ITGB4: variants seen among roughly 807,000 people sequenced by gnomAD.
ITGB4 encodes the protein integrin beta-4.
In ITGB4, 159 loss-of-function variants were observed where a neutral mutation model predicts 207.6. That is an observed-to-expected ratio of 0.77 (90% CI 0.67 to 0.87). The LOEUF is 0.87. Ranked by LOEUF, ITGB4 falls within the 40% of genes least tolerant of loss-of-function variation. The pLI is 0.00. For missense variants in ITGB4, 2,278 were observed against 2,546.8 expected (o/e 0.89, Z 2.27); for synonymous variants, 1,020 against 1,062.7 (o/e 0.96, Z 0.78).
Position 75,752,488 on chromosome 17 carries a change from G to T in ITGB4, c.4019G>T (p.Gly1340Val). 1 of 1,613,680 alleles carries T rather than the reference G, an allele frequency of 6.2e-7. No individual in the cohort carries two copies. Among genetic ancestry groups the T allele is most frequent in the Non-Finnish European group, 8.5e-7 (1 of 1,180,028 alleles). The change falls in exon 32 of 40, where the codon GGG becomes GTG. Residue 1340 changes from glycine to valine, a missense_variant. Physicochemically the swap from Gly to Val is moderately radical, Grantham distance 109. Coordinates refer to ENST00000200181, the MANE Select transcript of ITGB4 (RefSeq NM_000213.5). ...PDIPIVDAQSGEDYDSFLMYS... is the reference protein window; with the variant it reads ...PDIPIVDAQSVEDYDSFLMYS... Reference sequence around the variant, plus strand: ...ATCCCTATCGTGGACGCCCAGAGCGGGGAGGACTACGACAGCTTCCTTATG... The same window carrying T: ...ATCCCTATCGTGGACGCCCAGAGCGTGGAGGACTACGACAGCTTCCTTATG...
chr17:75,732,223 G>C lies in ITGB4; in HGVS notation c.1438G>C (p.Val480Leu), dbSNP rs1387134474. Reference protein sequence around the residue: ...FNGDFVCGQCVCSEGWSGQTC... With the variant: ...FNGDFVCGQCLCSEGWSGQTC... ...CGGAGACTTCGTGTGCGGACAGTGT[G>C]TGTGCAGCGAGGGCTGGTGAGTGGG... Residue 480 changes from valine to leucine, a missense_variant, in exon 12 of 40, where the codon GTG (valine) becomes CTG (leucine). Transcript: ENST00000200181. This position sits in a 1 kb window ranked among gnomAD's most constrained non-coding sequence, Gnocchi z 5.3. 6.2e-7 allele frequency: 1 copy of C among 1,613,960 alleles called. No homozygotes were observed. The highest frequency in any genetic ancestry group is 8.5e-7 in the Non-Finnish European group (1 of 1,180,050).
In ITGB4 at chr17:75,755,810, G is replaced by T; in HGVS notation, c.4668G>T (p.Pro1556=). Reference sequence around the variant, plus strand: ...GGCAGGAGCCGCGGTGCGAGCGGCCGCTGCAGGGCTACAGTGTGGAGTACC... The same window carrying T: ...GGCAGGAGCCGCGGTGCGAGCGGCCTCTGCAGGGCTACAGTGTGGAGTACC... ...VSWQEPRCER[P]LQGYSVEYQL... is the part of the protein sequence containing the mutation. Residue 1556 remains proline (P), a synonymous_variant, in exon 35 of 40, where the codon CCG becomes CCT. Transcript: ENST00000200181. 6.2e-7 allele frequency: 1 copy of T among 1,608,998 alleles called. No homozygotes were observed.
rs2060616325 is a variant in ITGB4 at position 75,721,487 on chromosome 17, A to T, written c.-136A>T. On this transcript the variant is annotated 5_prime_UTR_variant, in exon 1 of 40. Coordinates refer to ENST00000200181, the MANE Select transcript of ITGB4 (RefSeq NM_000213.5). The stretch of plus-strand genomic sequence containing the variant: ...CCAACCCCCGCGCCCGCCCTCGGAC[A>T]GTCCCTGCTCGCCCGCGCGCTGCAG... The T allele has an allele frequency of 7.9e-6, 1 of 126,410 alleles. No homozygotes were observed. The highest frequency in any genetic ancestry group is 3.0e-5 in the African/African-American group (1 of 33,832). 7.8% of individuals were successfully genotyped at this position (126,410 alleles called of 1,614,324 possible). A position where few individuals can be genotyped will look rare whatever the true frequency, so the allele number is the denominator to read the frequency against.
At position 75,728,411 on chromosome 17, in the gene ITGB4, T is replaced by G; in HGVS notation, c.504T>G (p.Thr168=). 1 of 1,614,120 alleles carries G rather than the reference T, an allele frequency of 6.2e-7. No homozygotes were observed. Among genetic ancestry groups the G allele is most frequent in the East Asian group, 2.2e-5 (1 of 44,882 alleles). ...TGAGCCAGCTCACCAGCGACTACACTATTGGATTTGGCAAGTTTGTGGACA... is the reference window on the plus strand; with the variant it reads ...TGAGCCAGCTCACCAGCGACTACACGATTGGATTTGGCAAGTTTGTGGACA... The part of the protein sequence containing the change: ...RVLSQLTSDY[T]IGFGKFVDKV... Residue 168 remains threonine (T), a synonymous_variant, in exon 6 of 40, where the codon ACT becomes ACG. Transcript: ENST00000200181.
In ITGB4 at chr17:75,757,020, C is replaced by T; in HGVS notation, c.5131C>T (p.Pro1711Ser). 1 of 1,612,508 alleles carries T rather than the reference C, an allele frequency of 6.2e-7. No homozygotes were observed. The highest frequency in any genetic ancestry group is 8.5e-7 in the Non-Finnish European group (1 of 1,179,834). ...LTVPGLSENV[P>S]YKFKVQARTT... ...CGTGCCGGGCCTCAGCGAGAACGTG[C>T]CCTACAAGTTCAAGGTGCAGGCCAG... Residue 1711 changes from proline to serine, a missense_variant, in exon 38 of 40, where the codon CCC becomes TCC. Transcript: ENST00000200181.
chr17:75,729,347 C>T lies in ITGB4; in HGVS notation c.649C>T (p.Arg217Trp), dbSNP rs769838318. The change falls in exon 7 of 40, where the codon CGG becomes TGG. Residue 217 changes from arginine (R) to tryptophan (W), a missense_variant. By Grantham distance (101) the Arg-to-Trp change is moderately radical. Transcript: ENST00000200181. The surrounding 1 kb of genome is among the most constrained non-coding windows in gnomAD (Gnocchi z 4.4). The stretch of plus-strand genomic sequence containing the variant: ...CCTGACAGAAGATGTGGATGAGTTC[C>T]GGAATAAACTGCAGGGAGAGCGGAT... ...ISLTEDVDEF[R>W]NKLQGERISG... 16 of 1,613,972 alleles carry T rather than the reference C, an allele frequency of 9.9e-6. No homozygotes were observed. The highest frequency in any genetic ancestry group is 4.5e-5 in the East Asian group (2 of 44,902).
Position 75,757,472 on chromosome 17 carries a change from G to A in ITGB4, c.5386G>A (p.Val1796Met), listed in dbSNP as rs1204593061. 4 of 1,612,824 alleles carry A rather than the reference G, an allele frequency of 2.5e-6. No homozygotes were observed. The highest frequency in any genetic ancestry group is 2.5e-6 in the Non-Finnish European group (3 of 1,179,990). ...LEAGGSLTRHVTQEFVSRTLT... is the reference protein window; with the variant it reads ...LEAGGSLTRHMTQEFVSRTLT... ...GGCAGGCGGCTCCCTCACCCGGCAT[G>A]TGACCCAGGAGTTTGTGAGCCGGAC... Residue 1796 changes from valine (V) to methionine (M), a missense_variant, in exon 40 of 40, where the codon GTG becomes ATG. Physicochemically the swap from Val to Met is conservative, Grantham distance 21 (BLOSUM62 1). Coordinates refer to ENST00000200181, the MANE Select transcript of ITGB4 (RefSeq NM_000213.5).
At chr17:75,741,506 C>A (rs548485303) in intron 23 of ITGB4, among the ~76,000 whole-genome samples, 1 of 151,970 alleles carries the variant, frequency 6.6e-6, no homozygotes, top group Non-Finnish European at 1.5e-5. Flanking sequence ...CAGCACATGA[C>A]CATCAGTAAG....
Position 75,756,445 on chromosome 17 carries a change from C to T in ITGB4, c.4725C>T (p.Leu1575=), listed in dbSNP as rs148827335. The change falls in exon 36 of 40, where the codon CTC becomes CTT. Residue 1575 remains leucine, a synonymous_variant. Transcript: ENST00000200181. The part of the protein sequence containing the change: ...QLLNGGELHR[L]NIPNPAQTSV... ...TCCCCCCAGGTGAGCTGCATCGGCT[C>T]AACATCCCCAACCCTGCCCAGACCT... 1 of 1,613,336 alleles carries T rather than the reference C, an allele frequency of 6.2e-7. No homozygotes were observed. The highest frequency in any genetic ancestry group is 8.5e-7 in the Non-Finnish European group (1 of 1,179,990).
rs886053415 is a variant in ITGB4 at position 75,754,573 on chromosome 17, C to T, written c.4319-3C>T. Reference sequence around the variant, plus strand: ...ACCAAGGGACCCTGCTCTCCCCCTGCAGAGCACCTGGTGAATGGCCGGATG... The same window carrying T: ...ACCAAGGGACCCTGCTCTCCCCCTGTAGAGCACCTGGTGAATGGCCGGATG... On this transcript the variant is annotated splice_region_variant and splice_polypyrimidine_tract_variant and intron_variant, in intron 33 of 39. Transcript: ENST00000200181. 3 of 1,613,586 alleles carry T rather than the reference C, an allele frequency of 1.9e-6. No homozygotes were observed. Among genetic ancestry groups the T allele is most frequent in the East Asian group, 2.2e-5 (1 of 44,860 alleles).
Position 75,732,232 on chromosome 17 carries a change from G to A in ITGB4, c.1447G>A (p.Glu483Lys), listed in dbSNP as rs966332000. The A allele has an allele frequency of 3.0e-5, 48 of 1,613,848 alleles. No individual in the cohort carries two copies. Among genetic ancestry groups the A allele is most frequent in the Non-Finnish European group, 3.7e-5 (44 of 1,180,016 alleles). Residue 483 changes from glutamate to lysine, a missense_variant, in exon 12 of 40, where the codon GAG becomes AAG. Glu to Lys is a moderately conservative substitution (Grantham distance 56). Transcript: ENST00000200181. This position sits in a 1 kb window ranked among gnomAD's most constrained non-coding sequence, Gnocchi z 5.3. ...DFVCGQCVCS[E>K]GWSGQTCNCS... ...CGTGTGCGGACAGTGTGTGTGCAGC[G>A]AGGGCTGGTGAGTGGGGAAGGGAGT...
At chr17:75,748,635 A>G (rs1599292455) in intron 26 of ITGB4, among the ~76,000 whole-genome samples, 1 of 151,694 alleles carries the variant, frequency 6.6e-6, no homozygotes, top group Admixed American at 6.6e-5. Context: ...ATGCCACTGC[A>G]CTCCAGCCTA....
chr17:75,725,832 C>T (rs1255613570), intron 2 of ITGB4, among the ~76,000 whole-genome samples: 1 of 152,240 alleles, frequency 6.6e-6, no homozygotes, highest in Non-Finnish European at 1.5e-5. Context: ...ACACCATTCC[C>T]TTCACCCTAG....
Position 75,757,300 on chromosome 17 carries a change from C to T in ITGB4, c.5319C>T (p.Pro1773=). 2 of 1,612,396 alleles carry T rather than the reference C, an allele frequency of 1.2e-6. No homozygotes were observed. The highest frequency in any genetic ancestry group is 1.7e-6 in the Non-Finnish European group (2 of 1,180,000). The change falls in exon 39 of 40, where the codon CCC becomes CCT. Residue 1773 remains proline, a synonymous_variant. Coordinates refer to ENST00000200181, the MANE Select transcript of ITGB4 (RefSeq NM_000213.5). ...CCACCCACACCAGCGCCACCGAGCC[C>T]TTCCTAGTGGGTGAGCACTGAGGGC... ...ITTTHTSATE[P]FLVDGLTLGA...
Position 75,754,698 on chromosome 17 carries a change from G to A in ITGB4, c.4441G>A (p.Val1481Met), listed in dbSNP as rs546010811. ...CCTGAGCCCACACGTGCCCCACCGC[G>A]TGCTAAGCACATCCTCCACCCTCAC... The part of the protein sequence containing the change: ...THLSPHVPHR[V>M]LSTSSTLTRD... The change falls in exon 34 of 40, where the codon GTG becomes ATG. Residue 1481 changes from valine (V) to methionine (M), a missense_variant. Coordinates refer to ENST00000200181, the MANE Select transcript of ITGB4 (RefSeq NM_000213.5). The A allele has an allele frequency of 2.5e-4, 404 of 1,614,124 alleles. 4 individuals carry two copies. In the South Asian group the frequency reaches 4.1e-3, roughly 16 times the overall value.
chr17:75,737,559 G>T lies in ITGB4; in HGVS notation c.2135G>T (p.Trp712Leu). ...KKKDCPPGSFWWLIPLLLLLL... is the reference protein window; with the variant it reads ...KKKDCPPGSFLWLIPLLLLLL... ...CCAGACTGCCCTCCGGGCTCCTTCT[G>T]GTGGCTCATCCCCCTGCTCCTCCTC... Residue 712 changes from tryptophan to leucine, a missense_variant, in exon 18 of 40, where the codon TGG becomes TTG. By Grantham distance (61) the Trp-to-Leu change is moderately conservative (BLOSUM62 -2). Transcript: ENST00000200181. 2 of 1,590,748 alleles carry T rather than the reference G, an allele frequency of 1.3e-6. No homozygotes were observed. The highest frequency in any genetic ancestry group is 1.7e-6 in the Non-Finnish European group (2 of 1,168,814).
chr17:75,747,843 T>C (rs2061266569), intron 26 of ITGB4, among the ~76,000 whole-genome samples: 2 of 152,182 alleles, frequency 1.3e-5, no homozygotes, highest in African/African-American at 2.4e-5. Context: ...GAAGTATCCA[T>C]GTAGGTTGCT....
chr17:75,755,717 T>C lies in ITGB4; in HGVS notation c.4575T>C (p.Ala1525=). The stretch of plus-strand genomic sequence containing the variant: ...TGTCCCCAGACTCTCGCCTGACTGC[T>C]GGTGTGCCCGACACGCCCACCCGCC... The part of the protein sequence containing the change: ...SVSSHDSRLT[A]GVPDTPTRLV... Residue 1525 remains alanine, a synonymous_variant, in exon 35 of 40, where the codon GCT becomes GCC. Coordinates refer to ENST00000200181, the MANE Select transcript of ITGB4 (RefSeq NM_000213.5). 1 of 1,612,896 alleles carries C rather than the reference T, an allele frequency of 6.2e-7. No individual in the cohort carries two copies. The highest frequency in any genetic ancestry group is 8.5e-7 in the Non-Finnish European group (1 of 1,179,912).
intron 8 of ITGB4, 116 bp downstream of exon 8, chr17:75,730,620 C>T (rs2060835332): frequency 1.8e-6 from 2 of 1,139,218 alleles, no homozygotes; most frequent in Non-Finnish European, 2.5e-6. Context: ...CTTCCTCCCT[C>T]CCTCTTTTCC....
Sources: gnomAD v4.1 joint callset for allele counts (sites outside exome capture counted in the v4.1 genomes callset) on GRCh38, gnomAD v4.1.1 for gene constraint, Gnocchi (gnomAD v3.1) non-coding constraint, MANE v1.5 for transcripts, NCBI Gene and HGNC (gene_info 2026-07-23, HGNC 2026-07-21) for gene names.